The following RORB variants were observed in gnomAD, a reference collection of about 807,000 sequenced individuals.
RORB encodes nuclear receptor ROR-beta.
Under a neutral mutation model 59.1 loss-of-function variants are expected in RORB, and 6 were observed. That is an observed-to-expected ratio of 0.10 (90% CI 0.06 to 0.20). The LOEUF is 0.20. RORB is among the 10% of genes least tolerant of loss of function. The pLI, the probability that RORB is intolerant of heterozygous loss-of-function variation, is 1.00. For missense variants in RORB, 320 were observed against 560.5 expected, an observed-to-expected ratio of 0.57 and a Z score of 4.33; for synonymous variants, 215 against 204.5, an observed-to-expected ratio of 1.05 and a Z score of -0.44.
At chr9:74,671,010 G>A (rs1180184487) in intron 8 of RORB, among the ~76,000 whole-genome samples, 1 of 152,086 alleles carries the variant, frequency 6.6e-6, no homozygotes, top group Non-Finnish European at 1.5e-5. Context: ...CTTCCATAAA[G>A]GTCCAACCTA....
intron 1 of RORB, among the ~76,000 whole-genome samples, chr9:74,499,940 G>C (rs573549075): frequency 6.6e-6 from 1 of 152,136 alleles, no homozygotes; most frequent in Admixed American, 6.5e-5. Flanking sequence ...AGTGCGGCGC[G>C]GGGTGGGGAT....
In RORB at chr9:74,545,459, A is replaced by G. The variant is rs146147743; in HGVS notation, c.7+47476A>G. ...TATCTAACATTATCATTGCTAACTC[A>G]TTCTCTGTTTCAGAAATGAATGAAT... On this transcript the variant is annotated intron_variant, in intron 1 of 9. Coordinates refer to ENST00000376896, the MANE Select transcript of RORB (RefSeq NM_006914.4). Among the ~76,000 whole-genome samples, 258 of 152,330 alleles carry G rather than the reference A, an allele frequency of 1.7e-3. 1 individual carries two copies. Among genetic ancestry groups the G allele is most frequent in the East Asian group, 0.013 (67 of 5,184 alleles).
At chr9:74,621,557 G>T (rs546687184) in intron 1 of RORB, among the ~76,000 whole-genome samples, 9 of 152,314 alleles carry the variant, frequency 5.9e-5, no homozygotes, top group Middle Eastern at 3.4e-3. Flanking sequence ...ATATTTGTGT[G>T]CACGTTGTCA....
intron 1 of RORB, among the ~76,000 whole-genome samples, chr9:74,549,935 G>A (rs1460499377): frequency 6.6e-6 from 1 of 151,922 alleles, no homozygotes; most frequent in Non-Finnish European, 1.5e-5. Flanking sequence ...TCACCATGTT[G>A]GCCAGGCTGG....
intron 9 of RORB, among the ~76,000 whole-genome samples, chr9:74,675,728 G>A (rs140639057): frequency 2.8e-4 from 42 of 152,288 alleles, no homozygotes; most frequent in African/African-American, 9.9e-4. Flanking sequence ...TCAGAGGTCA[G>A]CGTGCCCGTC....
chr9:74,684,250 A>G (rs1824597887), intron 9 of RORB, among the ~76,000 whole-genome samples: 1 of 152,206 alleles, frequency 6.6e-6, no homozygotes. Flanking sequence ...CCACAAGGCA[A>G]CTAATTATCT....
intron 1 of RORB, among the ~76,000 whole-genome samples, chr9:74,503,125 G>A (rs1825823766): frequency 6.6e-6 from 1 of 151,836 alleles, no homozygotes; most frequent in South Asian, 2.1e-4. Flanking sequence ...CTTATCTAAA[G>A]GATAGAAATC....
intron 1 of RORB, among the ~76,000 whole-genome samples, chr9:74,503,742 G>A (rs940170847): frequency 1.3e-5 from 2 of 151,972 alleles, no homozygotes; most frequent in African/African-American, 4.8e-5. Context: ...CTCCTTTGTA[G>A]CGCAAGACAA....
In RORB at chr9:74,594,553, A is replaced by T. The variant is rs927755435; in HGVS notation, c.8-35729A>T. 8.5e-5 allele frequency among the ~76,000 whole-genome samples: 13 copies of T among 152,308 alleles called. No homozygotes were observed. In the South Asian group the frequency reaches 2.7e-3, roughly 32 times the overall value. Reference sequence around the variant, plus strand: ...ATACAATTTTTATATCATCACATTCATATATATGAGACAGAGAGAGAAAAA... The same window carrying T: ...ATACAATTTTTATATCATCACATTCTTATATATGAGACAGAGAGAGAAAAA... On this transcript the variant is annotated intron_variant, in intron 1 of 9. Transcript: ENST00000376896.
At chr9:74,667,641 C>A in intron 7 of RORB, 150 bp from the exon 8 acceptor site, 1 of 552,380 alleles carries the variant, frequency 1.8e-6, no homozygotes. Flanking sequence ...AGTATCAAAT[C>A]ACTTTTTATA....
At chr9:74,664,767 G>T (rs973980910) in intron 6 of RORB, among the ~76,000 whole-genome samples, 2 of 152,194 alleles carry the variant, frequency 1.3e-5, no homozygotes, top group African/African-American at 2.4e-5. Flanking sequence ...AAAGTTGTAG[G>T]CTAATCACCA....
intron 1 of RORB, among the ~76,000 whole-genome samples, chr9:74,592,973 T>A (rs1346658723): frequency 6.6e-6 from 1 of 152,106 alleles, no homozygotes; most frequent in Admixed American, 6.5e-5. Flanking sequence ...CTTCCTTGTA[T>A]CCATAGACCG....
rs1199341021 is a variant in RORB, at chr9:74,686,462, A to G, written c.*844A>G. ...TCCTGTTTCAAGAATTAGGCCACAG[A>G]TAACATTGCAAGGTCCAAGACTTTT... On this transcript the variant is annotated 3_prime_UTR_variant, in exon 10 of 10. Coordinates refer to ENST00000376896, the MANE Select transcript of RORB (RefSeq NM_006914.4). 2 of 152,300 alleles carry G rather than the reference A, an allele frequency of 1.3e-5. No homozygotes were observed. The highest frequency in any genetic ancestry group is 2.4e-5 in the African/African-American group (1 of 41,466). The allele number at this position is 152,300 out of a possible 1,614,324, so 9.4% of individuals were successfully genotyped here. A position where few individuals can be genotyped will look rare whatever the true frequency, so the allele number is the denominator to read the frequency against.
intron 1 of RORB, among the ~76,000 whole-genome samples, chr9:74,625,160 T>C (rs922231651): frequency 1.3e-5 from 2 of 152,234 alleles, no homozygotes; most frequent in Non-Finnish European, 2.9e-5. Flanking sequence ...CCTGGGTTTT[T>C]CCACCTTCGC....
chr9:74,595,184 A>T (rs543872519), intron 1 of RORB, among the ~76,000 whole-genome samples: 1 of 152,240 alleles, frequency 6.6e-6, no homozygotes, highest in East Asian at 1.9e-4. Flanking sequence ...ACAAACCGAG[A>T]CCAATCTTTG....
intron 4 of RORB, among the ~76,000 whole-genome samples, chr9:74,655,510 A>G (rs1368235853): frequency 2.6e-5 from 4 of 152,190 alleles, no homozygotes; most frequent in Admixed American, 1.3e-4. Flanking sequence ...GAAAGATTCC[A>G]TATCCTCTGC....
At chr9:74,562,995 T>A (rs944563029) in intron 1 of RORB, among the ~76,000 whole-genome samples, 5 of 152,122 alleles carry the variant, frequency 3.3e-5, no homozygotes, top group Non-Finnish European at 7.4e-5. Flanking sequence ...AAAAACATTA[T>A]CTCATATAAT....
intron 1 of RORB, among the ~76,000 whole-genome samples, chr9:74,550,846 C>G (rs1826596524): frequency 6.6e-6 from 1 of 152,144 alleles, no homozygotes; most frequent in South Asian, 2.1e-4. Context: ...TGAAATGTGG[C>G]CAGTCCAAAT....
intron 4 of RORB, among the ~76,000 whole-genome samples, chr9:74,653,952 G>T (rs1824036971): frequency 6.6e-6 from 1 of 152,112 alleles, no homozygotes; most frequent in African/African-American, 2.4e-5. Flanking sequence ...ACAAGACATC[G>T]TCACCTTGCT....
Sources: allele counts gnomAD v4.1 joint callset (sites outside exome capture counted in the v4.1 genomes callset), GRCh38; gene constraint gnomAD v4.1.1; transcripts MANE v1.5; gene names NCBI Gene and HGNC (gene_info 2026-07-23, HGNC 2026-07-21).